PRKN: variants seen among roughly 807,000 people sequenced by gnomAD.
The protein encoded by PRKN is parkin RBR E3 ubiquitin protein ligase, also known as E3 ubiquitin-protein ligase parkin.
A neutral mutation model predicts 59.5 loss-of-function variants in PRKN; 56 were observed. That is an observed-to-expected ratio of 0.94 (90% CI 0.76 to 1.18). PRKN has a LOEUF of 1.18. Ranked by LOEUF, PRKN falls within the 50% of genes most tolerant of loss-of-function variation. The probability of loss-of-function intolerance (pLI) is 0.00; values close to 1 mark genes in which losing one functional copy is unlikely to be tolerated. For missense variants in PRKN, 657 were observed against 596.4 expected (o/e 1.10, Z -1.06); for synonymous variants, 250 against 222.1 (o/e 1.13, Z -1.12).
chr6:161,968,024 C>T (rs77941139), intron 6 of PRKN, among the ~76,000 whole-genome samples: 2,230 of 151,640 alleles, frequency 0.015, 64 homozygotes, highest in African/African-American at 0.051. Flanking sequence ...CAGTGTGGGG[C>T]CTTTTTTTTC....
At position 161,897,984 on chromosome 6, in the gene PRKN, A is replaced by AAAAAAAAAAAAAAAAAAAT. The variant is rs1554244227; in HGVS notation, c.734+75317_734+75318insATTTTTTTTTTTTTTTTTT. On this transcript the variant is annotated intron_variant, in intron 6 of 11. Transcript: ENST00000366898. ...TCCGTCTCAAAAAAAAAAAAAAAAA[A>AAAAAAAAAAAAAAAAAAAT]GTCTCCCAGTTGCATAGAAAAGGTT... Among the ~76,000 whole-genome samples, 83 of 117,654 alleles carry AAAAAAAAAAAAAAAAAAAT rather than the reference A, an allele frequency of 7.1e-4. 16 individuals carry two copies. Among genetic ancestry groups the AAAAAAAAAAAAAAAAAAAT allele is most frequent in the African/African-American group, 3.2e-3 (77 of 24,014 alleles). 77.2% of individuals were successfully genotyped at this position (117,654 alleles called of 152,430 possible). A position where few individuals can be genotyped will look rare whatever the true frequency, so the allele number is the denominator to read the frequency against.
chr6:162,380,555 C>T (rs746872100), intron 2 of PRKN, among the ~76,000 whole-genome samples: 1 of 146,376 alleles, frequency 6.8e-6, no homozygotes, highest in Non-Finnish European at 1.5e-5. Context: ...GTATCATTAA[C>T]ATCAAGGCTG....
At chr6:161,622,485 C>G (rs1475465386) in intron 7 of PRKN, among the ~76,000 whole-genome samples, 4 of 152,162 alleles carry the variant, frequency 2.6e-5, no homozygotes, top group Non-Finnish European at 5.9e-5. Flanking sequence ...TGCCTGGCCA[C>G]TGCTGCAGCC....
chr6:161,957,424 G>GTTTT (rs1780217035), intron 6 of PRKN, among the ~76,000 whole-genome samples: 1 of 99,110 alleles, frequency 1.0e-5, no homozygotes. Context: ...TTTTTTGTTT[G>GTTTT]TTTGTTTGTT....
chr6:161,876,592 C>T (rs1217416888), intron 6 of PRKN, among the ~76,000 whole-genome samples: 2 of 152,090 alleles, frequency 1.3e-5, no homozygotes, highest in Non-Finnish European at 2.9e-5. Context: ...GGATTACAGG[C>T]GTGAGCCACC....
intron 3 of PRKN, among the ~76,000 whole-genome samples, chr6:162,232,791 T>A (rs1032769242): frequency 6.6e-6 from 1 of 152,194 alleles, no homozygotes; most frequent in African/African-American, 2.4e-5. Flanking sequence ...CATTTATATG[T>A]TACAGGACTG....
At chr6:161,682,869 G>T (rs2128173015) in intron 7 of PRKN, among the ~76,000 whole-genome samples, 1 of 152,244 alleles carries the variant, frequency 6.6e-6, no homozygotes, top group East Asian at 1.9e-4. Context: ...CCCCAGCAAA[G>T]CCCTGAGCTG....
At chr6:162,012,258 T>C (rs993382897) in intron 5 of PRKN, among the ~76,000 whole-genome samples, 5 of 152,140 alleles carry the variant, frequency 3.3e-5, no homozygotes, top group African/African-American at 1.2e-4. Context: ...CTCTTACATA[T>C]TCTTCATCCA....
Position 161,957,428 on chromosome 6 carries a change from G to GTTT in PRKN, c.734+15871_734+15873dup, listed in dbSNP as rs1173230705. Among the ~76,000 whole-genome samples, 4 of 99,558 alleles carry GTTT rather than the reference G, an allele frequency of 4.0e-5. 1 individual carries two copies. Among genetic ancestry groups the GTTT allele is most frequent in the African/African-American group, 1.3e-4 (3 of 22,424 alleles). The allele number at this position is 99,558 out of a possible 152,430, so 65.3% of individuals were successfully genotyped here. A position where few individuals can be genotyped will look rare whatever the true frequency, so the allele number is the denominator to read the frequency against. ...CTTGTTGTTTTTTTTTTGTTTGTTT[G>GTTT]TTTGTTTGTTTTTTTGAGCCAGAGT... is the stretch of plus-strand genomic sequence containing the variant. On this transcript the variant is annotated intron_variant, in intron 6 of 11. Transcript: ENST00000366898.
intron 2 of PRKN, among the ~76,000 whole-genome samples, chr6:162,332,000 C>T (rs1188070196): frequency 1.3e-5 from 2 of 152,122 alleles, no homozygotes; most frequent in South Asian, 2.1e-4. Flanking sequence ...TTGCAAAATG[C>T]CAGTCTTGTG....
intron 3 of PRKN, among the ~76,000 whole-genome samples, chr6:162,235,664 G>A (rs754412576): frequency 1.7e-4 from 26 of 151,770 alleles, no homozygotes; most frequent in Non-Finnish European, 2.8e-4. Context: ...AAAAACTAGC[G>A]CGGTGGCTGG....
intron 7 of PRKN, among the ~76,000 whole-genome samples, chr6:161,668,311 T>C (rs1434358717): frequency 6.8e-6 from 1 of 147,562 alleles, no homozygotes; most frequent in Non-Finnish European, 1.5e-5. Context: ...TTGAATGTCA[T>C]GGCCAAAAAC....
At position 161,459,048 on chromosome 6, in the gene PRKN, AAGCT is replaced by A. The variant is rs1320229550; in HGVS notation, c.1084-72175_1084-72172del. Among the ~76,000 whole-genome samples, 6 of 152,170 alleles carry A rather than the reference AAGCT, an allele frequency of 3.9e-5. No individual in the cohort carries two copies. Among genetic ancestry groups the A allele is most frequent in the Non-Finnish European group, 7.4e-5 (5 of 68,016 alleles). On this transcript the variant is annotated intron_variant, in intron 9 of 11. Coordinates refer to ENST00000366898, the MANE Select transcript of PRKN (RefSeq NM_004562.3). This position sits in a 1 kb window ranked among gnomAD's most constrained non-coding sequence, Gnocchi z 4.8. ...TTTTAAGGCAAGGCTGAGCTTTCTA[AAGCT>A]ACAAGCACTTCCTTCCTCAGAGAGT...
intron 1 of PRKN, among the ~76,000 whole-genome samples, chr6:162,541,831 T>G (rs1250453711): frequency 1.3e-5 from 2 of 152,164 alleles, no homozygotes; most frequent in Non-Finnish European, 2.9e-5. Flanking sequence ...TTAGTTTTTG[T>G]CTAGCAAGAG....
chr6:161,475,868 T>C lies in PRKN; in HGVS notation c.1083+72986A>G, dbSNP rs1023532105. On this transcript the variant is annotated intron_variant, in intron 9 of 11. Transcript: ENST00000366898. The surrounding 1 kb of genome is among the most constrained non-coding windows in gnomAD (Gnocchi z 5.3). Reference sequence around the variant, plus strand: ...GATAACTGCATTTTCCTTTCAATCTTATATATTTTATATATTTAAAAATAT... The same window carrying C: ...GATAACTGCATTTTCCTTTCAATCTCATATATTTTATATATTTAAAAATAT... Among the ~76,000 whole-genome samples, 2 of 152,084 alleles carry C rather than the reference T, an allele frequency of 1.3e-5. No homozygotes were observed. Among genetic ancestry groups the C allele is most frequent in the East Asian group, 3.9e-4 (2 of 5,178 alleles).
chr6:161,598,328 T>C (rs1170439173), intron 7 of PRKN, among the ~76,000 whole-genome samples: 1 of 152,224 alleles, frequency 6.6e-6, no homozygotes, highest in African/African-American at 2.4e-5. Flanking sequence ...TAAAGCTCTA[T>C]ATTGAGAAAC....
At chr6:162,180,689 A>G (rs1954948) in intron 4 of PRKN, among the ~76,000 whole-genome samples, 53,572 of 152,016 alleles carry the variant, frequency 0.35, 9,555 homozygotes, top group Middle Eastern at 0.51. Context: ...TTTTGTTCCA[A>G]TCAGGTAGTT....
At position 161,530,878 on chromosome 6, in the gene PRKN, C is replaced by G. The variant is rs921028923; in HGVS notation, c.1083+17976G>C. Among the ~76,000 whole-genome samples the G allele has an allele frequency of 6.6e-6, 1 of 152,102 alleles. No individual in the cohort carries two copies. The highest frequency in any genetic ancestry group is 2.4e-5 in the African/African-American group (1 of 41,418). On this transcript the variant is annotated intron_variant, in intron 9 of 11. Transcript: ENST00000366898. This position sits in a 1 kb window ranked among gnomAD's most constrained non-coding sequence, Gnocchi z 5.0. ...TGCTGCTCTACTTCAGAGAACAGACCAATTTTTAGAGAGCTTCAACAATTT... is the reference window on the plus strand; with the variant it reads ...TGCTGCTCTACTTCAGAGAACAGACGAATTTTTAGAGAGCTTCAACAATTT...
At chr6:162,644,283 C>T (rs901508800) in intron 1 of PRKN, among the ~76,000 whole-genome samples, 1 of 152,172 alleles carries the variant, frequency 6.6e-6, no homozygotes, top group Non-Finnish European at 1.5e-5. Context: ...GAGTGCACCC[C>T]CCATGGAAGG....
Sources: allele counts gnomAD v4.1 joint callset (sites outside exome capture counted in the v4.1 genomes callset), GRCh38; gene constraint gnomAD v4.1.1; non-coding constraint Gnocchi (gnomAD v3.1); transcripts MANE v1.5; gene names NCBI Gene and HGNC (gene_info 2026-07-23, HGNC 2026-07-21).